Variants in LIPA observed in about 807,000 individuals in gnomAD.
LIPA encodes lipase A, lysosomal acid type.
In LIPA, 26 loss-of-function variants were observed where a neutral mutation model predicts 40.6. The observed-to-expected ratio is 0.64, with a 90% CI of 0.47 to 0.89. LIPA has a LOEUF of 0.89. LIPA is among the 40% of genes least tolerant of loss of function. The pLI is 0.00. For missense variants in LIPA, 455 were observed against 479.6 expected, an observed-to-expected ratio of 0.95 and a Z score of 0.48; for synonymous variants, 188 against 168.4, an observed-to-expected ratio of 1.12 and a Z score of -0.90.
chr10:89,338,330 T>G (rs1288012004), intron 1 of LIPA: 1 of 213,014 alleles, frequency 4.7e-6, no homozygotes, highest in African/African-American at 2.3e-5. Flanking sequence ...CTAGTCCAAG[T>G]CTAGTCTAAG....
chr10:89,214,821 C>G lies in LIPA; in HGVS notation c.*7G>C, dbSNP rs764660398. 6 of 1,506,082 alleles carry G rather than the reference C, an allele frequency of 4.0e-6. No homozygotes were observed. The highest frequency in any genetic ancestry group is 5.5e-6 in the Non-Finnish European group (6 of 1,082,232). 93.3% of individuals were successfully genotyped at this position (1,506,082 alleles called of 1,614,324 possible). A position where few individuals can be genotyped will look rare whatever the true frequency, so the allele number is the denominator to read the frequency against. ...TGACTTGGTGGTACACAGCTCAAGT[C>G]CAGCTTTCACTGATATTTCCTCATT... On this transcript the variant is annotated 3_prime_UTR_variant, in exon 10 of 10. Transcript: ENST00000336233.
At chr10:89,239,865 A>C (rs1842945332) in intron 3 of LIPA, among the ~76,000 whole-genome samples, 1 of 152,184 alleles carries the variant, frequency 6.6e-6, no homozygotes. Context: ...TGCAGCTGGG[A>C]ATCAAACCCA....
At chr10:89,414,649 C>T, upstream of LIPA, 1 of 759,208 alleles carries the variant, frequency 1.3e-6, no homozygotes, top group South Asian at 2.2e-5. Context: ...AACAAAGACA[C>T]GCCGCGCGGC....
Position 89,371,726 on chromosome 10 carries a change from G to A in LIPA, c.61+41065C>T, listed in dbSNP as rs138235400. On this transcript the variant is annotated intron_variant, in intron 2 of 8. Transcript: ENST00000371837. ...CTTGTGAGTACTACTTGTAAAGATC[G>A]CCTACCATCTGACCAGTTATTTTTA... Among the ~76,000 whole-genome samples, 219 of 152,252 alleles carry A rather than the reference G, an allele frequency of 1.4e-3. 1 individual carries two copies. The highest frequency in any genetic ancestry group is 3.8e-3 in the Admixed American group (58 of 15,296).
At chr10:89,216,797 T>C (rs1233312961) in intron 8 of LIPA, among the ~76,000 whole-genome samples, 1 of 152,164 alleles carries the variant, frequency 6.6e-6, no homozygotes, top group Admixed American at 6.5e-5. Context: ...ACTTGAGGGA[T>C]GACTGTATAT....
intron 2 of LIPA, among the ~76,000 whole-genome samples, chr10:89,391,323 C>G (rs1000638985): frequency 6.6e-6 from 1 of 152,092 alleles, no homozygotes. Context: ...AAGTGAGCCT[C>G]CCACCTCAGC....
intron 1 of LIPA, among the ~76,000 whole-genome samples, chr10:89,290,880 C>T (rs1369610195): frequency 6.6e-6 from 1 of 152,210 alleles, no homozygotes; most frequent in Non-Finnish European, 1.5e-5. Flanking sequence ...GTGGTCTCTT[C>T]ACGTGGAAAA....
At chr10:89,394,984 C>A (rs557946512) in intron 2 of LIPA, among the ~76,000 whole-genome samples, 2 of 152,216 alleles carry the variant, frequency 1.3e-5, no homozygotes, top group South Asian at 4.2e-4. Flanking sequence ...TCCTAAGCAT[C>A]CCTTTTTGAA....
chr10:89,387,979 C>T (rs1357169814), intron 2 of LIPA, among the ~76,000 whole-genome samples: 2 of 151,932 alleles, frequency 1.3e-5, no homozygotes, highest in Admixed American at 6.6e-5. Context: ...ACAAATTATC[C>T]AAAATATGTA....
chr10:89,224,736 A>G (rs1248146179), intron 6 of LIPA, among the ~76,000 whole-genome samples: 3 of 152,180 alleles, frequency 2.0e-5, no homozygotes, highest in Non-Finnish European at 2.9e-5. Flanking sequence ...AACATTTCCT[A>G]TCTCCCATCT....
At chr10:89,375,336 C>T (rs1844113830) in intron 2 of LIPA, among the ~76,000 whole-genome samples, 1 of 152,194 alleles carries the variant, frequency 6.6e-6, no homozygotes, top group South Asian at 2.1e-4. Flanking sequence ...GCAACATCAT[C>T]TTGTGCGCAC....
Position 89,229,595 on chromosome 10 carries a change from A to G in LIPA, c.230-1197T>C, listed in dbSNP as rs546897066. ...GCGAAACCCTGTCTCTACTAAAAATACAAAAAAGGTAGCTGGGTGTGGTGC... is the reference window on the plus strand; with the variant it reads ...GCGAAACCCTGTCTCTACTAAAAATGCAAAAAAGGTAGCTGGGTGTGGTGC... On this transcript the variant is annotated intron_variant, in intron 3 of 9. Coordinates refer to ENST00000336233, the MANE Select transcript of LIPA (RefSeq NM_000235.4). Among the ~76,000 whole-genome samples, 3 of 152,286 alleles carry G rather than the reference A, an allele frequency of 2.0e-5. No homozygotes were observed. In the East Asian group the frequency reaches 5.8e-4, roughly 29 times the overall value.
chr10:89,215,256 T>C (rs1287310618), intron 9 of LIPA, among the ~76,000 whole-genome samples, 195 bp from the exon 10 acceptor site: 1 of 152,204 alleles, frequency 6.6e-6, no homozygotes, highest in Non-Finnish European at 1.5e-5. Context: ...AATGAGAGAA[T>C]GCTAATTATA....
At chr10:89,353,812 G>A (rs1366858598) in intron 2 of LIPA, among the ~76,000 whole-genome samples, 1 of 152,088 alleles carries the variant, frequency 6.6e-6, no homozygotes, top group African/African-American at 2.4e-5. Context: ...GTGGCAGCGT[G>A]CACCTGTAGT....
Position 89,284,781 on chromosome 10 carries a change from G to A in LIPA, c.-1-37132C>T, listed in dbSNP as rs916571490. On this transcript the variant is annotated intron_variant, in intron 1 of 5. Transcript: ENST00000282673. The stretch of plus-strand genomic sequence containing the variant: ...CCCTGTGACCTGCACGTATAAATCC[G>A]GATGACCTGAAGTAACTGAAGAATC... 5.3e-5 allele frequency among the ~76,000 whole-genome samples: 8 copies of A among 152,200 alleles called. No individual in the cohort carries two copies. In the South Asian group the frequency reaches 6.2e-4, roughly 12 times the overall value.
intron 2 of LIPA, chr10:89,402,996 G>A (rs774520847): frequency 1.2e-6 from 2 of 1,614,128 alleles, no homozygotes; most frequent in South Asian, 2.2e-5. Context: ...AAAGTACATT[G>A]AAGAAGCTCT....
At chr10:89,268,421 A>AT (rs1028960773) in intron 1 of LIPA, among the ~76,000 whole-genome samples, 4 of 152,156 alleles carry the variant, frequency 2.6e-5, no homozygotes, top group Admixed American at 1.3e-4. Context: ...CCTGACAGTA[A>AT]TTTTTTTTAT....
At chr10:89,247,412 T>C in intron 2 of LIPA, 126 bp downstream of exon 2, 2 of 378,006 alleles carry the variant, frequency 5.3e-6, no homozygotes, top group Non-Finnish European at 9.7e-6. Context: ...AAAAAAAAAA[T>C]TCAGAGAAAT....
chr10:89,403,827 C>T lies in LIPA; in HGVS notation c.61+8964G>A, dbSNP rs909132140. 4.7e-6 allele frequency: 3 copies of T among 633,282 alleles called. No homozygotes were observed. The African/African-American group carries it at 5.5e-5, about 12-fold the overall frequency. 39.2% of individuals were successfully genotyped at this position (633,282 alleles called of 1,614,324 possible). ...TATAATTCACTGTAATGATGTAATTCTTGAATAATAAATCTGACAAAATAT... is the reference window on the plus strand; with the variant it reads ...TATAATTCACTGTAATGATGTAATTTTTGAATAATAAATCTGACAAAATAT... On this transcript the variant is annotated intron_variant, in intron 2 of 8. Transcript: ENST00000371837.
Sources: allele counts gnomAD v4.1 joint callset (sites outside exome capture counted in the v4.1 genomes callset), GRCh38; gene constraint gnomAD v4.1.1; transcripts MANE v1.5; gene names NCBI Gene and HGNC (gene_info 2026-07-23, HGNC 2026-07-21).